Variants in DOCK5 observed in about 807,000 individuals in gnomAD.
DOCK5 encodes dedicator of cytokinesis protein 5.
Under a neutral mutation model 251.8 loss-of-function variants are expected in DOCK5, and 142 were observed. The observed-to-expected ratio is 0.56, with a 90% CI of 0.49 to 0.65. The LOEUF (loss-of-function observed/expected upper bound fraction) is 0.65, where lower values mean the gene tolerates loss of function less well. Among genes scored for constraint, DOCK5 ranks in the 30% least tolerant of loss-of-function variants. The pLI is 0.00. For synonymous variants in DOCK5, 842 were observed against 835.5 expected (o/e 1.01, Z -0.13); for missense variants, 2,111 against 2,312.3 (o/e 0.91, Z 1.79).
chr8:25,237,788 CAT>C (rs1272399982), intron 1 of DOCK5, among the ~76,000 whole-genome samples: 17 of 152,302 alleles, frequency 1.1e-4, no homozygotes, highest in Admixed American at 3.9e-4. Flanking sequence ...AAAAATGGCA[CAT>C]GTTTCTTTTG....
chr8:25,365,145 A>T (rs1299367073), intron 30 of DOCK5, among the ~76,000 whole-genome samples: 4 of 152,222 alleles, frequency 2.6e-5, no homozygotes. Context: ...TGCAAAACGG[A>T]TGACCGCTAG....
chr8:25,298,070 A>C (rs531999653), intron 7 of DOCK5, among the ~76,000 whole-genome samples: 92 of 152,056 alleles, frequency 6.1e-4, no homozygotes, highest in African/African-American at 2.0e-3. Context: ...AAAAAAAAAA[A>C]AAAAAAAACT....
chr8:25,231,619 T>C (rs1396987648), intron 1 of DOCK5, among the ~76,000 whole-genome samples: 7 of 152,228 alleles, frequency 4.6e-5, no homozygotes, highest in African/African-American at 1.7e-4. Flanking sequence ...TAGATAATCA[T>C]GGTATTTGCT....
intron 2 of DOCK5, among the ~76,000 whole-genome samples, chr8:25,268,213 G>A (rs1355094785): frequency 1.3e-5 from 2 of 151,764 alleles, no homozygotes; most frequent in South Asian, 2.1e-4. Context: ...GCAAACAAAC[G>A]CATAAGATCT....
chr8:25,224,715 T>A (rs1802484732), intron 1 of DOCK5, among the ~76,000 whole-genome samples: 2 of 152,188 alleles, frequency 1.3e-5, no homozygotes, highest in Admixed American at 6.5e-5. Context: ...TATAACACAT[T>A]AGATATAAAA....
At position 25,304,274 on chromosome 8, in the gene DOCK5, C is replaced by G. The variant is rs772327801; in HGVS notation, c.996C>G (p.Ile332Met). ...TCCTAGTGATGGATATTACTGATAT[C>G]ATACATGGGAAGGTGGATGATGAAG... ...FGVAVMDITD[I>M]IHGKVDDEEK... Residue 332 changes from isoleucine to methionine, a missense_variant, in exon 11 of 52, where the codon ATC (isoleucine) becomes ATG (methionine). Around this residue, in one of 3 missense-constraint regions of DOCK5, gnomAD observed 1,717 missense variants for 1,892.4 expected, o/e 0.91. Transcript: ENST00000276440. 1 of 1,609,254 alleles carries G rather than the reference C, an allele frequency of 6.2e-7. No homozygotes were observed. The highest frequency in any genetic ancestry group is 2.2e-5 in the East Asian group (1 of 44,730).
chr8:25,377,053 C>T (rs192573582), intron 37 of DOCK5, among the ~76,000 whole-genome samples: 148 of 152,254 alleles, frequency 9.7e-4, no homozygotes, highest in African/African-American at 3.3e-3. Context: ...CCCAGTACAA[C>T]GACAGTCATG....
chr8:25,388,446 G>GA lies in DOCK5; in HGVS notation c.4132-636dup, dbSNP rs376780445. On this transcript the variant is annotated intron_variant, in intron 40 of 51. Coordinates refer to ENST00000276440, the MANE Select transcript of DOCK5 (RefSeq NM_024940.8). ...CTGGGGCCTAGGAAATCTCTTTGGG[G>GA]AAAAAAAAATGATTAAAGAGATTAT... is the stretch of plus-strand genomic sequence containing the variant. Among the ~76,000 whole-genome samples the GA allele has an allele frequency of 9.5e-3, 1,427 of 150,640 alleles. 24 individuals are homozygous for GA. Among genetic ancestry groups the GA allele is most frequent in the African/African-American group, 0.032 (1,315 of 41,140 alleles).
intron 13 of DOCK5, 77 bp from the exon 14 acceptor site, chr8:25,316,930 C>T (rs1331581169): frequency 1.9e-6 from 3 of 1,566,146 alleles, no homozygotes; most frequent in Non-Finnish European, 2.6e-6. Context: ...TTGTCTTTAC[C>T]TTTTATGTCG....
rs1264386105 is a variant in DOCK5 at position 25,411,182 on chromosome 8, C to T, written c.5509-12C>T. Reference sequence around the variant, plus strand: ...AAGACCTGCTTCTAATTTTGTGTTTCTGCTTCTGCAGCTCGCTCCCCCACT... The same window carrying T: ...AAGACCTGCTTCTAATTTTGTGTTTTTGCTTCTGCAGCTCGCTCCCCCACT... On this transcript the variant is annotated splice_polypyrimidine_tract_variant and intron_variant, in intron 51 of 51. Transcript: ENST00000276440. 3 of 1,545,640 alleles carry T rather than the reference C, an allele frequency of 1.9e-6. No individual in the cohort carries two copies. The highest frequency in any genetic ancestry group is 1.7e-6 in the Non-Finnish European group (2 of 1,149,092).
At chr8:25,188,375 C>T (rs1177517924) in intron 1 of DOCK5, among the ~76,000 whole-genome samples, 1 of 152,194 alleles carries the variant, frequency 6.6e-6, no homozygotes, top group East Asian at 1.9e-4. Context: ...ATGAAGGAAC[C>T]GTAGGATAGT....
chr8:25,395,839 T>G (rs1801336491), intron 45 of DOCK5, 120 bp downstream of exon 45: 3 of 1,196,150 alleles, frequency 2.5e-6, no homozygotes, highest in Middle Eastern at 1.9e-4. Flanking sequence ...ATGTTCACTT[T>G]CCCTTCTGGC....
intron 27 of DOCK5, among the ~76,000 whole-genome samples, chr8:25,356,940 TATATA>T (rs1481823023): frequency 5.5e-5 from 6 of 109,502 alleles, no homozygotes; most frequent in South Asian, 2.8e-4. Context: ...TATATATATA[TATATA>T]TGCAAATTAA....
intron 15 of DOCK5, 85 bp from the exon 16 acceptor site, chr8:25,320,895 T>C: frequency 8.2e-7 from 1 of 1,219,316 alleles, no homozygotes; most frequent in Non-Finnish European, 1.2e-6. Flanking sequence ...GTGGAAAGTA[T>C]AAAATTGAGC....
At chr8:25,213,184 C>T (rs900688570) in intron 1 of DOCK5, among the ~76,000 whole-genome samples, 2 of 151,824 alleles carry the variant, frequency 1.3e-5, no homozygotes, top group Non-Finnish European at 2.9e-5. Flanking sequence ...TGCGTCAGGC[C>T]CAGACCTAGG....
At position 25,366,984 on chromosome 8, in the gene DOCK5, T is replaced by C. The variant is rs1477778911; in HGVS notation, c.3224+14T>C. On this transcript the variant is annotated intron_variant, in intron 31 of 51. Transcript: ENST00000276440. The stretch of plus-strand genomic sequence containing the variant: ...AATTGTTAAAAAGTAAGTGTCCTTT[T>C]AAAGTTAAGATCGGGAAGGGGCTTC... 2.5e-6 allele frequency: 4 copies of C among 1,607,484 alleles called. No individual in the cohort carries two copies. The highest frequency in any genetic ancestry group is 3.4e-6 in the Non-Finnish European group (4 of 1,174,424).
intron 4 of DOCK5, among the ~76,000 whole-genome samples, chr8:25,278,262 T>C (rs957648590): frequency 3.3e-5 from 5 of 152,152 alleles, no homozygotes; most frequent in African/African-American, 1.2e-4. Context: ...TGCTTCCATC[T>C]TTGAGAATCA....
At chr8:25,191,460 A>G (rs1264104562) in intron 1 of DOCK5, among the ~76,000 whole-genome samples, 1 of 152,230 alleles carries the variant, frequency 6.6e-6, no homozygotes, top group Non-Finnish European at 1.5e-5. Context: ...TGGATTTATC[A>G]TAGTTATTTT....
intron 14 of DOCK5, among the ~76,000 whole-genome samples, chr8:25,318,860 A>G (rs926549642): frequency 1.1e-4 from 17 of 152,020 alleles, no homozygotes; most frequent in African/African-American, 3.4e-4. Flanking sequence ...ATGAAATACA[A>G]TTTCATCACT....
Sources: gnomAD v4.1 joint callset for allele counts (sites outside exome capture counted in the v4.1 genomes callset) on GRCh38, gnomAD v4.1.1 for gene constraint, gnomAD v4.1.1 regional missense constraint, MANE v1.5 for transcripts, NCBI Gene and HGNC (gene_info 2026-07-23, HGNC 2026-07-21) for gene names.